ERC2: variants seen among roughly 807,000 people sequenced by gnomAD.
ERC2 encodes ERC protein 2.
Under a neutral mutation model 114.8 loss-of-function variants are expected in ERC2, and 42 were observed. That is an observed-to-expected ratio of 0.37 (90% CI 0.29 to 0.47). ERC2 has a LOEUF of 0.47. ERC2 is among the 20% of genes least tolerant of loss of function. The probability of loss-of-function intolerance (pLI) is 0.99; values close to 1 mark genes in which losing one functional copy is unlikely to be tolerated. For synonymous variants in ERC2, 454 were observed against 425.5 expected (o/e 1.07, Z -0.82); for missense variants, 939 against 1,150.7 (o/e 0.82, Z 2.66).
At chr3:55,715,894 C>A (rs2064091843) in intron 15 of ERC2, among the ~76,000 whole-genome samples, 1 of 152,146 alleles carries the variant, frequency 6.6e-6, no homozygotes, top group African/African-American at 2.4e-5. Context: ...TGTTATTTTA[C>A]TCTTGGAGTG....
chr3:56,432,059 C>T (rs2061816223), intron 2 of ERC2, among the ~76,000 whole-genome samples: 3 of 152,092 alleles, frequency 2.0e-5, no homozygotes, highest in South Asian at 4.2e-4. Context: ...ACAAATGGTT[C>T]GAAATGTTTT....
At chr3:55,773,830 T>G (rs2068404903) in intron 14 of ERC2, among the ~76,000 whole-genome samples, 1 of 152,198 alleles carries the variant, frequency 6.6e-6, no homozygotes, top group Non-Finnish European at 1.5e-5. Flanking sequence ...TGTAAGTATA[T>G]TTTTTGGTTC....
At chr3:55,833,983 T>C (rs2060746773) in intron 14 of ERC2, among the ~76,000 whole-genome samples, 1 of 151,076 alleles carries the variant, frequency 6.6e-6, no homozygotes, top group South Asian at 2.1e-4. Flanking sequence ...AAACAGACTT[T>C]AAACCAACAA....
intron 14 of ERC2, among the ~76,000 whole-genome samples, chr3:55,781,743 G>A (rs1439795164): frequency 1.3e-5 from 2 of 151,730 alleles, no homozygotes; most frequent in Admixed American, 1.3e-4. Flanking sequence ...GATGTGGCCG[G>A]CGCCTGTAAT....
chr3:56,196,288 T>C (rs1045292489), intron 3 of ERC2, among the ~76,000 whole-genome samples: 26 of 152,116 alleles, frequency 1.7e-4, no homozygotes, highest in African/African-American at 6.0e-4. Flanking sequence ...CCACACTCCC[T>C]CCTCACAGAG....
In ERC2 at chr3:55,709,844, C is replaced by G. The variant is rs189766156; in HGVS notation, c.2713-10332G>C. Among the ~76,000 whole-genome samples the G allele has an allele frequency of 1.6e-4, 24 of 152,280 alleles. No homozygotes were observed. In the East Asian group the frequency reaches 4.6e-3, roughly 29 times the overall value. On this transcript the variant is annotated intron_variant, in intron 15 of 17. Transcript: ENST00000288221. The stretch of plus-strand genomic sequence containing the variant: ...GAGGTGTGGAGACAGCCAGGAGAGG[C>G]TTGGCAGCTGGGAGGGAGAACGAGA...
chr3:55,700,219 C>A (rs923690579), intron 15 of ERC2, among the ~76,000 whole-genome samples: 1 of 152,182 alleles, frequency 6.6e-6, no homozygotes. Context: ...AAGTGTACTG[C>A]TTTATTATGC....
At chr3:56,264,387 A>G (rs1259920089) in intron 3 of ERC2, among the ~76,000 whole-genome samples, 1 of 152,182 alleles carries the variant, frequency 6.6e-6, no homozygotes, top group Non-Finnish European at 1.5e-5. Context: ...ACTTGAAGTC[A>G]GGAGTTCAAG....
At chr3:55,621,007 G>T (rs2148596179) in intron 17 of ERC2, among the ~76,000 whole-genome samples, 1 of 152,274 alleles carries the variant, frequency 6.6e-6, no homozygotes, top group Non-Finnish European at 1.5e-5. Flanking sequence ...CCTTCACAGT[G>T]ATTTTATCTT....
chr3:55,982,553 T>C (rs897844129), intron 12 of ERC2, among the ~76,000 whole-genome samples: 3 of 152,178 alleles, frequency 2.0e-5, no homozygotes, highest in Non-Finnish European at 4.4e-5. Flanking sequence ...GCTCCTGTTG[T>C]TTCTATTATT....
chr3:56,418,382 G>A (rs1363234045), intron 2 of ERC2, among the ~76,000 whole-genome samples: 1 of 151,038 alleles, frequency 6.6e-6, no homozygotes, highest in Non-Finnish European at 1.5e-5. Context: ...GTCCTCACCT[G>A]TCCTAAGATC....
chr3:56,005,422 G>A (rs1226905104), intron 10 of ERC2, among the ~76,000 whole-genome samples: 1 of 152,012 alleles, frequency 6.6e-6, no homozygotes, highest in Non-Finnish European at 1.5e-5. Flanking sequence ...CCACAGCTAT[G>A]TTGAAAGAAA....
intron 17 of ERC2, chr3:55,657,620 T>A (rs1406312568): frequency 6.6e-6 from 1 of 152,108 alleles, no homozygotes; most frequent in African/African-American, 2.4e-5. Flanking sequence ...CATGCCCGGC[T>A]AATTTTTGTA....
intron 3 of ERC2, among the ~76,000 whole-genome samples, chr3:56,179,614 T>C (rs373967404): frequency 1.3e-5 from 2 of 151,776 alleles, no homozygotes; most frequent in East Asian, 3.9e-4. Flanking sequence ...GTTTTGAACA[T>C]GAGGTGGACT....
chr3:56,110,482 T>G (rs574357868), intron 6 of ERC2, among the ~76,000 whole-genome samples: 2 of 152,140 alleles, frequency 1.3e-5, no homozygotes, highest in Admixed American at 6.6e-5. Context: ...GGCACAAGTT[T>G]AATGACAAAA....
At chr3:55,561,336 T>C (rs1405734968) in intron 17 of ERC2, among the ~76,000 whole-genome samples, 1 of 152,122 alleles carries the variant, frequency 6.6e-6, no homozygotes, top group Non-Finnish European at 1.5e-5. Flanking sequence ...GAGGTTTTCA[T>C]ATCTACTTTT....
intron 2 of ERC2, among the ~76,000 whole-genome samples, chr3:56,408,295 T>C (rs1278887222): frequency 4.6e-5 from 7 of 152,162 alleles, no homozygotes; most frequent in Non-Finnish European, 5.9e-5. Flanking sequence ...GTAGGCACAA[T>C]TGTTATCCCT....
At chr3:56,168,184 T>C (rs1482884413) in intron 4 of ERC2, among the ~76,000 whole-genome samples, 1 of 152,192 alleles carries the variant, frequency 6.6e-6, no homozygotes, top group East Asian at 1.9e-4. Context: ...CTCTAACCCG[T>C]AGCTTTCTCA....
chr3:55,547,448 G>C (rs77248172), intron 17 of ERC2, among the ~76,000 whole-genome samples: 4,518 of 152,306 alleles, frequency 0.03, 103 homozygotes, highest in African/African-American at 0.058. Context: ...GGCTGCCATT[G>C]CTCCAGTGGA....
Sources: allele counts gnomAD v4.1 joint callset (sites outside exome capture counted in the v4.1 genomes callset), GRCh38; gene constraint gnomAD v4.1.1; transcripts MANE v1.5; gene names NCBI Gene and HGNC (gene_info 2026-07-23, HGNC 2026-07-21).